Variants in ESR1 observed in about 807,000 individuals in gnomAD.
The protein encoded by ESR1 is estrogen receptor.
Under a neutral mutation model 52.7 loss-of-function variants are expected in ESR1, and 12 were observed. That is an observed-to-expected ratio of 0.23 (90% CI 0.15 to 0.37). The LOEUF is 0.37. ESR1 is among the 10% of genes least tolerant of loss of function. The pLI, the probability that ESR1 is intolerant of heterozygous loss-of-function variation, is 1.00. For missense variants in ESR1, 584 were observed against 779.7 expected (o/e 0.75, Z 2.99); for synonymous variants, 305 against 316.8 (o/e 0.96, Z 0.39).
At chr6:151,928,238 G>A (rs1305869851) in intron 3 of ESR1, among the ~76,000 whole-genome samples, 1 of 152,088 alleles carries the variant, frequency 6.6e-6, no homozygotes, top group Non-Finnish European at 1.5e-5. Context: ...CTTATGTAAT[G>A]CATCTAACCT....
chr6:152,033,723 G>A (rs1427444720), intron 5 of ESR1, among the ~76,000 whole-genome samples: 1 of 152,186 alleles, frequency 6.6e-6, no homozygotes, highest in Non-Finnish European at 1.5e-5. Flanking sequence ...AACCATTGTG[G>A]AATTCAGTGT....
Position 152,098,609 on chromosome 6 carries a change from A to T in ESR1, c.1554-123A>T. On this transcript the variant is annotated intron_variant, in intron 7 of 7. Coordinates refer to ENST00000206249, the MANE Select transcript of ESR1 (RefSeq NM_000125.4). This position sits in a 1 kb window ranked among gnomAD's most constrained non-coding sequence, Gnocchi z 5.1. ...CCCATCCTAAAGTGGGTCTTTAAACAGGAAGAAAGAAAGATTGCTAAGTGT... is the reference window on the plus strand; with the variant it reads ...CCCATCCTAAAGTGGGTCTTTAAACTGGAAGAAAGAAAGATTGCTAAGTGT... 1.2e-6 allele frequency: 1 copy of T among 837,080 alleles called. No individual in the cohort carries two copies. Among genetic ancestry groups the T allele is most frequent in the Non-Finnish European group, 2.0e-6 (1 of 505,984 alleles). The allele number at this position is 837,080 out of a possible 1,614,324, so 51.9% of individuals were successfully genotyped here.
chr6:151,800,557 G>A (rs1777137074), upstream of ESR1, among the ~76,000 whole-genome samples: 2 of 152,066 alleles, frequency 1.3e-5, no homozygotes, highest in African/African-American at 4.8e-5. Context: ...TAGGACTGTG[G>A]CCTTATAAAA....
chr6:151,842,635 G>T lies in ESR1; in HGVS notation c.491G>T (p.Arg164Ile). The T allele has an allele frequency of 1.2e-6, 2 of 1,613,830 alleles. No individual in the cohort carries two copies. Among genetic ancestry groups the T allele is most frequent in the Non-Finnish European group, 8.5e-7 (1 of 1,179,904 alleles). ...SDNRRQGGRE[R>I]LASTNDKGSM... ...AATCGACGCCAGGGTGGCAGAGAAA[G>T]ATTGGCCAGTACCAATGACAAGGGA... The change falls in exon 2 of 8, where the codon AGA becomes ATA. Residue 164 changes from arginine to isoleucine, a missense_variant. Coordinates refer to ENST00000206249, the MANE Select transcript of ESR1 (RefSeq NM_000125.4).
At chr6:151,662,855 G>A (rs970651386) in intron 1 of ESR1, among the ~76,000 whole-genome samples, 2 of 152,164 alleles carry the variant, frequency 1.3e-5, no homozygotes, top group African/African-American at 4.8e-5. Context: ...ATTGTGGATC[G>A]TTCCCATGTT....
At chr6:152,070,098 T>C (rs2048254867) in intron 6 of ESR1, among the ~76,000 whole-genome samples, 1 of 137,328 alleles carries the variant, frequency 7.3e-6, no homozygotes, top group Non-Finnish European at 1.5e-5. Context: ...GTCAACCTTA[T>C]AGGTTATGAT....
At chr6:151,766,531 C>A (rs775241683) in intron 2 of ESR1, among the ~76,000 whole-genome samples, 13 of 151,932 alleles carry the variant, frequency 8.6e-5, no homozygotes, top group Non-Finnish European at 1.9e-4. Context: ...AAATCACACG[C>A]CTCTTTTTTT....
chr6:152,096,456 A>T (rs1585239133), intron 7 of ESR1, among the ~76,000 whole-genome samples: 1 of 152,162 alleles, frequency 6.6e-6, no homozygotes, highest in East Asian at 1.9e-4. Flanking sequence ...GGGAAAATAG[A>T]TGTATCTCAT....
chr6:152,125,684 C>T, exon 7 of ESR1: 1 of 206,012 alleles, frequency 4.9e-6, no homozygotes, highest in Non-Finnish European at 9.7e-6. Flanking sequence ...TATTAAATAC[C>T]TGACTAATTT....
intron 5 of ESR1, among the ~76,000 whole-genome samples, chr6:152,017,711 G>A (rs1358828755): frequency 1.3e-5 from 2 of 151,944 alleles, no homozygotes; most frequent in East Asian, 1.9e-4. Flanking sequence ...GAGCAAAAGT[G>A]TTCATCCTAC....
intron 3 of ESR1, among the ~76,000 whole-genome samples, chr6:151,941,610 G>A (rs908539402): frequency 1.3e-5 from 2 of 151,286 alleles, no homozygotes; most frequent in Non-Finnish European, 2.9e-5. Context: ...GCTCAGCATC[G>A]GAGGGGCTAC....
At chr6:151,840,832 C>T (rs902062584) in intron 1 of ESR1, among the ~76,000 whole-genome samples, 17 of 152,200 alleles carry the variant, frequency 1.1e-4, no homozygotes, top group African/African-American at 3.9e-4. Flanking sequence ...TGTCTGCCTA[C>T]CTTTCTTTCT....
intron 2 of ESR1, among the ~76,000 whole-genome samples, chr6:151,844,370 GA>G (rs900210708): frequency 6.6e-6 from 1 of 152,166 alleles, no homozygotes; most frequent in African/African-American, 2.4e-5. Context: ...ATTTGGCAGT[GA>G]AAGAGCGTCT....
intron 2 of ESR1, among the ~76,000 whole-genome samples, chr6:151,857,041 A>G (rs971110776): frequency 1.3e-5 from 2 of 152,178 alleles, no homozygotes; most frequent in South Asian, 4.1e-4. Context: ...AGTTTCTTGT[A>G]AACACTTTGT....
intron 5 of ESR1, among the ~76,000 whole-genome samples, chr6:152,060,021 C>T (rs1039387707): frequency 1.4e-4 from 21 of 152,086 alleles, no homozygotes; most frequent in Admixed American, 1.4e-3. Flanking sequence ...AATATTTTAA[C>T]TTCTTTCTAA....
chr6:152,000,634 G>T (rs1030387273), intron 4 of ESR1, among the ~76,000 whole-genome samples: 33 of 151,810 alleles, frequency 2.2e-4, no homozygotes, highest in Admixed American at 1.6e-3. Context: ...GAATAACAAC[G>T]GTCTATGTCA....
At chr6:151,678,674 A>G (rs1263669936) in intron 1 of ESR1, among the ~76,000 whole-genome samples, 1 of 149,898 alleles carries the variant, frequency 6.7e-6, no homozygotes, top group African/African-American at 2.4e-5. Flanking sequence ...TCTGGGCTCA[A>G]TACAAACCAC....
intron 1 of ESR1, chr6:151,814,142 G>C (rs1298793365): frequency 6.6e-6 from 1 of 152,136 alleles, no homozygotes; most frequent in Non-Finnish European, 1.5e-5. Flanking sequence ...CTACTTCCTG[G>C]GCAGTTTTCT....
chr6:151,999,856 T>A (rs1367721536), intron 4 of ESR1, among the ~76,000 whole-genome samples: 1 of 152,098 alleles, frequency 6.6e-6, no homozygotes, highest in Non-Finnish European at 1.5e-5. Flanking sequence ...TAAAAATATT[T>A]TGTTTTATGC....
Sources: allele counts gnomAD v4.1 joint callset (sites outside exome capture counted in the v4.1 genomes callset), GRCh38; gene constraint gnomAD v4.1.1; non-coding constraint Gnocchi (gnomAD v3.1); transcripts MANE v1.5; gene names NCBI Gene and HGNC (gene_info 2026-07-23, HGNC 2026-07-21).